Variants in ARID1B observed in about 807,000 individuals in gnomAD.
ARID1B encodes the protein AT-rich interactive domain-containing protein 1B.
ARID1B carries 30 observed loss-of-function variants against 212.3 expected under a neutral mutation model. The ratio of observed to expected loss-of-function variants is 0.14; its 90% confidence interval spans 0.11 to 0.19. The LOEUF (loss-of-function observed/expected upper bound fraction) is 0.19, where lower values mean the gene tolerates loss of function less well. ARID1B is among the 10% of genes least tolerant of loss of function. ARID1B has a pLI of 1.00. For synonymous variants in ARID1B, 1,402 were observed against 1,301.7 expected, an observed-to-expected ratio of 1.08 and a Z score of -1.66; for missense variants, 2,891 against 3,204.0, an observed-to-expected ratio of 0.90 and a Z score of 2.36.
chr6:157,068,538 G>C (rs928664596), intron 4 of ARID1B, among the ~76,000 whole-genome samples: 1 of 152,218 alleles, frequency 6.6e-6, no homozygotes, highest in Non-Finnish European at 1.5e-5. Flanking sequence ...GAAAACAAGA[G>C]ATCTATTTTA....
intron 4 of ARID1B, among the ~76,000 whole-genome samples, chr6:156,998,984 G>A (rs551480139): frequency 1.3e-5 from 2 of 152,362 alleles, no homozygotes; most frequent in East Asian, 3.9e-4. Flanking sequence ...CTACTGGAAG[G>A]AATGCAAGGT....
At chr6:157,113,049 G>A (rs1787047587) in intron 6 of ARID1B, among the ~76,000 whole-genome samples, 1 of 151,746 alleles carries the variant, frequency 6.6e-6, no homozygotes, top group African/African-American at 2.4e-5. Flanking sequence ...AGCCTCCCAA[G>A]TAGCTGAGAT....
intron 4 of ARID1B, among the ~76,000 whole-genome samples, chr6:157,022,104 G>A (rs993562247): frequency 1.3e-5 from 2 of 152,106 alleles, no homozygotes; most frequent in African/African-American, 2.4e-5. Flanking sequence ...GACGCCAGCA[G>A]GGCCGCGGAG....
At chr6:156,887,202 T>C (rs9397982) in intron 2 of ARID1B, among the ~76,000 whole-genome samples, 42,927 of 152,160 alleles carry the variant, frequency 0.28, 6,226 homozygotes, top group Non-Finnish European at 0.33. Flanking sequence ...CTCTTCACTG[T>C]CTGTGTCAGT....
intron 4 of ARID1B, among the ~76,000 whole-genome samples, chr6:156,993,551 C>A (rs1334633251): frequency 6.6e-6 from 1 of 152,080 alleles, no homozygotes; most frequent in East Asian, 1.9e-4. Flanking sequence ...ATATATTAGA[C>A]CTTTAAGGCT....
At chr6:157,117,683 C>T (rs887350548) in intron 6 of ARID1B, among the ~76,000 whole-genome samples, 9 of 152,164 alleles carry the variant, frequency 5.9e-5, no homozygotes, top group African/African-American at 2.2e-4. Flanking sequence ...AGCTCTCACA[C>T]CCTGTCAAAG....
intron 4 of ARID1B, among the ~76,000 whole-genome samples, chr6:157,065,287 CCTCT>C (rs1175000485): frequency 6.6e-6 from 1 of 152,088 alleles, no homozygotes; most frequent in Non-Finnish European, 1.5e-5. Flanking sequence ...GGTAAAATTG[CCTCT>C]CTTTTTTTAA....
intron 2 of ARID1B, among the ~76,000 whole-genome samples, chr6:156,836,943 C>T (rs991161216): frequency 2.6e-5 from 4 of 152,224 alleles, no homozygotes; most frequent in Admixed American, 6.5e-5. Flanking sequence ...GGATTACAGG[C>T]ATGAGCCACC....
chr6:156,780,143 C>T (rs564394750), intron 1 of ARID1B, among the ~76,000 whole-genome samples: 4 of 152,102 alleles, frequency 2.6e-5, no homozygotes, highest in Non-Finnish European at 4.4e-5. Flanking sequence ...TAAAATACAT[C>T]GATTCGTTCC....
intron 2 of ARID1B, among the ~76,000 whole-genome samples, chr6:156,897,439 A>G (rs1264269006): frequency 6.6e-6 from 1 of 151,114 alleles, no homozygotes; most frequent in South Asian, 2.1e-4. Context: ...ACGCCTGGCT[A>G]ATTTTTGTAT....
chr6:156,817,060 CAT>C (rs755046907), intron 1 of ARID1B, among the ~76,000 whole-genome samples: 1 of 149,956 alleles, frequency 6.7e-6, no homozygotes, highest in Non-Finnish European at 1.5e-5. Context: ...TAAGGAACTT[CAT>C]CCCATTTGCC....
chr6:157,111,579 T>G (rs1013090987), intron 6 of ARID1B, among the ~76,000 whole-genome samples: 27 of 152,316 alleles, frequency 1.8e-4, no homozygotes, highest in Admixed American at 1.2e-3. Context: ...TTATAATTAT[T>G]TGTATATGAG....
intron 8 of ARID1B, among the ~76,000 whole-genome samples, chr6:157,162,049 C>T (rs1001618021): frequency 7.9e-5 from 12 of 152,204 alleles, no homozygotes; most frequent in African/African-American, 2.9e-4. Flanking sequence ...ACAGGGTCTC[C>T]ATTTCTTCTG....
chr6:156,967,736 TATTA>T (rs1473935587), intron 4 of ARID1B, among the ~76,000 whole-genome samples: 1 of 152,246 alleles, frequency 6.6e-6, no homozygotes, highest in Non-Finnish European at 1.5e-5. Flanking sequence ...TATTTGATCT[TATTA>T]ATGAGGTCAA....
At chr6:157,002,657 G>C (rs1330698345) in intron 4 of ARID1B, among the ~76,000 whole-genome samples, 1 of 152,300 alleles carries the variant, frequency 6.6e-6, no homozygotes, top group East Asian at 1.9e-4. Flanking sequence ...AGTTGCTGGA[G>C]TATTTTAATT....
At chr6:156,857,052 T>C (rs1398658952) in intron 2 of ARID1B, among the ~76,000 whole-genome samples, 1 of 152,158 alleles carries the variant, frequency 6.6e-6, no homozygotes, top group East Asian at 1.9e-4. Context: ...TTGCTTGAAC[T>C]GTTAACCACA....
At chr6:156,933,858 A>G (rs1791950331) in intron 3 of ARID1B, among the ~76,000 whole-genome samples, 1 of 152,126 alleles carries the variant, frequency 6.6e-6, no homozygotes, top group Non-Finnish European at 1.5e-5. Context: ...TGTATTTCAG[A>G]GCGTGTTGAA....
intron 16 of ARID1B, among the ~76,000 whole-genome samples, chr6:157,198,201 C>T (rs1377533271): frequency 1.3e-5 from 2 of 152,004 alleles, no homozygotes; most frequent in African/African-American, 2.4e-5. Context: ...TGAATCATCC[C>T]TGTTATTCTT....
chr6:157,167,433 T>C (rs1395631729), intron 9 of ARID1B: 4 of 339,942 alleles, frequency 1.2e-5, no homozygotes, highest in Non-Finnish European at 2.1e-5. Flanking sequence ...TCAAGTATTA[T>C]TGGAGATTGT....
Sources: gnomAD v4.1 joint callset for allele counts (sites outside exome capture counted in the v4.1 genomes callset) on GRCh38, gnomAD v4.1.1 for gene constraint, MANE v1.5 for transcripts, NCBI Gene and HGNC (gene_info 2026-07-23, HGNC 2026-07-21) for gene names.